Variants in ST18 observed in about 807,000 individuals in gnomAD.
The protein encoded by ST18 is ST18 C2H2C-type zinc finger transcription factor, also known as suppression of tumorigenicity 18 protein.
A neutral mutation model predicts 110.0 loss-of-function variants in ST18; 50 were observed. The ratio of observed to expected loss-of-function variants is 0.45; its 90% confidence interval spans 0.36 to 0.58. The LOEUF is 0.58. Among genes scored for constraint, ST18 ranks in the 20% least tolerant of loss-of-function variants. ST18 has a pLI of 0.00. For synonymous variants in ST18, 461 were observed against 452.4 expected (o/e 1.02, Z -0.24); for missense variants, 1,306 against 1,280.1 (o/e 1.02, Z -0.31).
chr8:52,113,298 G>A lies in ST18; in HGVS notation c.3044C>T (p.Thr1015Ile). 2 of 1,613,990 alleles carry A rather than the reference G, an allele frequency of 1.2e-6. No individual in the cohort carries two copies. The highest frequency in any genetic ancestry group is 1.7e-6 in the Non-Finnish European group (2 of 1,179,898). ...CAGATTGCTGTACATATCTGTGAGT[G>A]TATTTACATATGCTTCAAAATTCTG... ...SEQNFEAYVN[T>I]LTDMYSNLER... The change falls in exon 26 of 26, where the codon ACA becomes ATA. Residue 1015 changes from threonine to isoleucine, a missense_variant. Thr to Ile is a moderately conservative substitution (Grantham distance 89). Transcript: ENST00000689386.
intron 8 of ST18, among the ~76,000 whole-genome samples, chr8:52,204,417 C>A (rs1338802327): frequency 6.6e-6 from 1 of 152,116 alleles, no homozygotes; most frequent in Non-Finnish European, 1.5e-5. Context: ...TGTTAAAAGG[C>A]GAGAGGGAGC....
intron 2 of ST18, among the ~76,000 whole-genome samples, chr8:52,368,152 C>T (rs1828876986): frequency 6.6e-6 from 1 of 152,034 alleles, no homozygotes; most frequent in Non-Finnish European, 1.5e-5. Context: ...GGAATTCCTG[C>T]CTCTCAGTAC....
intron 23 of ST18, among the ~76,000 whole-genome samples, chr8:52,123,665 C>T (rs1586316380): frequency 1.3e-5 from 2 of 152,366 alleles, no homozygotes; most frequent in South Asian, 4.1e-4. Context: ...ACCCAGCTCG[C>T]TGCTGCTCTA....
At chr8:52,317,420 C>A (rs894472602) in intron 2 of ST18, among the ~76,000 whole-genome samples, 1 of 152,230 alleles carries the variant, frequency 6.6e-6, no homozygotes, top group African/African-American at 2.4e-5. Flanking sequence ...AAACAAAGAT[C>A]CACCCTAGAG....
chr8:52,191,994 T>C (rs1162589446), intron 8 of ST18, among the ~76,000 whole-genome samples: 1 of 152,096 alleles, frequency 6.6e-6, no homozygotes, highest in African/African-American at 2.4e-5. Flanking sequence ...GAGGCATTAA[T>C]CCACCCACAG....
At position 52,163,708 on chromosome 8, in the gene ST18, C is replaced by T. The variant is rs555290346; in HGVS notation, c.1400+278G>A. Among the ~76,000 whole-genome samples, 8 of 152,222 alleles carry T rather than the reference C, an allele frequency of 5.3e-5. 1 individual carries two copies. The South Asian group carries it at 1.0e-3, about 20-fold the overall frequency. ...AACCCACAATTCTGATTAATGTAGGCTATGGTATATTAATTCTTTTAGATT... is the reference window on the plus strand; with the variant it reads ...AACCCACAATTCTGATTAATGTAGGTTATGGTATATTAATTCTTTTAGATT... On this transcript the variant is annotated intron_variant, in intron 13 of 25. Transcript: ENST00000689386.
At chr8:52,186,700 G>A (rs2072401210) in intron 8 of ST18, among the ~76,000 whole-genome samples, 1 of 152,216 alleles carries the variant, frequency 6.6e-6, no homozygotes, top group South Asian at 2.1e-4. Flanking sequence ...GAATATTCAT[G>A]GCTCTGAATA....
intron 2 of ST18, among the ~76,000 whole-genome samples, chr8:52,331,815 AAT>A: frequency 6.6e-6 from 1 of 152,182 alleles, no homozygotes; most frequent in Non-Finnish European, 1.5e-5. Flanking sequence ...GTGTCATTTC[AAT>A]TACCTATAAT....
At chr8:52,210,832 G>T (rs926094504) in intron 8 of ST18, among the ~76,000 whole-genome samples, 17 of 152,126 alleles carry the variant, frequency 1.1e-4, no homozygotes, top group African/African-American at 4.1e-4. Flanking sequence ...AATGAACCAA[G>T]GCTATGACGG....
At chr8:52,319,033 G>A (rs1202186197) in intron 2 of ST18, among the ~76,000 whole-genome samples, 6 of 152,022 alleles carry the variant, frequency 3.9e-5, no homozygotes, top group African/African-American at 1.5e-4. Context: ...CATGGCACAT[G>A]TTTACTTATG....
intron 2 of ST18, among the ~76,000 whole-genome samples, chr8:52,232,084 A>C (rs2091553919): frequency 6.6e-6 from 1 of 152,240 alleles, no homozygotes; most frequent in Admixed American, 6.5e-5. Flanking sequence ...GAAGAATCCC[A>C]ACCCCAAAAG....
At chr8:52,162,007 C>T (rs963924413) in intron 13 of ST18, among the ~76,000 whole-genome samples, 2 of 152,124 alleles carry the variant, frequency 1.3e-5, no homozygotes, top group African/African-American at 2.4e-5. Context: ...CTCAGGAGTT[C>T]GAGACCAGCC....
At chr8:52,334,369 T>TA (rs1811067478) in intron 2 of ST18, among the ~76,000 whole-genome samples, 1 of 152,216 alleles carries the variant, frequency 6.6e-6, no homozygotes, top group Admixed American at 6.5e-5. Flanking sequence ...CAATTGTTCT[T>TA]ACTAGTATGT....
intron 10 of ST18, among the ~76,000 whole-genome samples, chr8:52,167,415 A>G (rs1333314314): frequency 6.6e-6 from 1 of 152,230 alleles, no homozygotes; most frequent in Non-Finnish European, 1.5e-5. Context: ...AGAAACCACC[A>G]TATCTGAGAA....
chr8:52,277,512 G>A (rs1174616113), intron 2 of ST18, among the ~76,000 whole-genome samples: 5 of 152,154 alleles, frequency 3.3e-5, no homozygotes, highest in East Asian at 3.8e-4. Context: ...TTCTTAGATC[G>A]CAGAAGAAAT....
chr8:52,116,283 G>C lies in ST18; in HGVS notation c.2995C>G (p.Pro999Ala). The C allele has an allele frequency of 1.2e-6, 2 of 1,613,376 alleles. No homozygotes were observed. The highest frequency in any genetic ancestry group is 8.5e-7 in the Non-Finnish European group (1 of 1,179,788). The change falls in exon 25 of 26, where the codon CCA (proline) becomes GCA (alanine). Residue 999 changes from proline (P) to alanine (A), a missense_variant. By Grantham distance (27) the Pro-to-Ala change is conservative. Transcript: ENST00000689386. ...LISSLADIQL[P>A]QMGPISEQNF... ...TCTGGCCTTGAACTTACCATCTGTGGAAGCTGGATGTCAGCAAGGCTTGAA... is the reference window on the plus strand; with the variant it reads ...TCTGGCCTTGAACTTACCATCTGTGCAAGCTGGATGTCAGCAAGGCTTGAA...
intron 2 of ST18, among the ~76,000 whole-genome samples, chr8:52,316,370 C>G (rs996041090): frequency 6.6e-6 from 1 of 152,200 alleles, no homozygotes; most frequent in Non-Finnish European, 1.5e-5. Context: ...GGGGCTCCCC[C>G]AGCAGCAATG....
intron 2 of ST18, among the ~76,000 whole-genome samples, chr8:52,345,617 C>A (rs891180358): frequency 1.3e-5 from 2 of 152,210 alleles, no homozygotes; most frequent in African/African-American, 2.4e-5. Flanking sequence ...GCTCTTCCAA[C>A]CACGCCTATA....
At chr8:52,381,227 G>A (rs1834395883) in intron 2 of ST18, among the ~76,000 whole-genome samples, 1 of 152,182 alleles carries the variant, frequency 6.6e-6, no homozygotes, top group African/African-American at 2.4e-5. Flanking sequence ...CCTGCCACAT[G>A]CTTTTGGAAC....
Sources: gnomAD v4.1 joint callset for allele counts (sites outside exome capture counted in the v4.1 genomes callset) on GRCh38, gnomAD v4.1.1 for gene constraint, MANE v1.5 for transcripts, NCBI Gene and HGNC (gene_info 2026-07-23, HGNC 2026-07-21) for gene names.